The following MUC5AC variants were observed in gnomAD, a reference collection of about 807,000 sequenced individuals.
MUC5AC encodes the protein mucin 5AC, oligomeric mucus/gel-forming, also known as mucin-5AC.
MUC5AC carries 158 observed loss-of-function variants against 169.7 expected under a neutral mutation model. That is an observed-to-expected ratio of 0.93 (90% confidence interval 0.82 to 1.06). The LOEUF (loss-of-function observed/expected upper bound fraction) is 1.06. MUC5AC is among the 50% of genes least tolerant of loss of function. The pLI is 0.00. For synonymous variants in MUC5AC, 1,975 were observed against 1,237.0 expected, an observed-to-expected ratio of 1.60 and a Z score of -12.52; for missense variants, 4,359 against 3,089.9, an observed-to-expected ratio of 1.41 and a Z score of -9.74.
In MUC5AC at chr11:1,180,528, G is replaced by T. The variant is rs1025072459; in HGVS notation, c.3776+12G>T. On this transcript the variant is annotated intron_variant, in intron 28 of 48. Transcript: ENST00000621226. ...AACTGCCAGTCCTGGTGAGTCCTTTGGGGGGAGGAATATGGAGCCTGCAGC... is the reference window on the plus strand; with the variant it reads ...AACTGCCAGTCCTGGTGAGTCCTTTTGGGGGAGGAATATGGAGCCTGCAGC... 3 of 398,662 alleles carry T rather than the reference G, an allele frequency of 7.5e-6. No individual in the cohort carries two copies. The highest frequency in any genetic ancestry group is 1.3e-4 in the South Asian group (1 of 7,864). 24.7% of individuals were successfully genotyped at this position (398,662 alleles called of 1,614,324 possible).
At chr11:1,164,793 G>C (rs1860261416) in intron 9 of MUC5AC, among the ~76,000 whole-genome samples, 3 of 146,950 alleles carry the variant, frequency 2.0e-5, no homozygotes, top group South Asian at 2.1e-4. Flanking sequence ...TGATGCCCCT[G>C]TCCCGGGCCC....
chr11:1,200,838 G>A lies in MUC5AC; in HGVS notation c.*136G>A. 1 of 606,874 alleles carries A rather than the reference G, an allele frequency of 1.6e-6. No homozygotes were observed. The highest frequency in any genetic ancestry group is 2.9e-6 in the Non-Finnish European group (1 of 339,020). The allele number at this position is 606,874 out of a possible 1,614,324, so 37.6% of individuals were successfully genotyped here. On this transcript the variant is annotated 3_prime_UTR_variant, in exon 49 of 49. Transcript: ENST00000621226. ...ACACACTGTCCACGCCCGCTTTCTT[G>A]TGGAGGGTGTGGGCTATGGGTCACC...
At chr11:1,194,082 C>T in intron 33 of MUC5AC, 28 bp from the exon 34 acceptor site, 1 of 761,898 alleles carries the variant, frequency 1.3e-6, no homozygotes, top group South Asian at 1.3e-5. Context: ...CCCGAGCCAC[C>T]CGTAAGGCTG....
At position 1,174,683 on chromosome 11, in the gene MUC5AC, C is replaced by T; in HGVS notation, c.2092+61C>T. 7.3e-6 allele frequency: 5 copies of T among 686,634 alleles called. No individual in the cohort carries two copies. In the South Asian group the frequency reaches 9.3e-5, roughly 13 times the overall value. The allele number at this position is 686,634 out of a possible 1,614,324, so 42.5% of individuals were successfully genotyped here. A position where few individuals can be genotyped will look rare whatever the true frequency, so the allele number is the denominator to read the frequency against. On this transcript the variant is annotated intron_variant, in intron 17 of 48. Coordinates refer to ENST00000621226, the MANE Select transcript of MUC5AC (RefSeq NM_001304359.2). ...TGGGTGGCCGCGGGTCTTGGGGTGC[C>T]CCCAGTGTGCACAGGTTGCTCTAAG...
At chr11:1,175,979 C>A (rs1293280782) in intron 19 of MUC5AC, among the ~76,000 whole-genome samples, 172 bp from the exon 20 acceptor site, 3 of 151,294 alleles carry the variant, frequency 2.0e-5, no homozygotes, top group Non-Finnish European at 2.9e-5. Flanking sequence ...AACGCTCACA[C>A]CCACTCATGG....
Position 1,164,229 on chromosome 11 carries a change from A to C in MUC5AC, c.913A>C (p.Ser305Arg). The change falls in exon 8 of 49, where the codon AGC becomes CGC. Residue 305 changes from serine (S) to arginine (R), a missense_variant. Transcript: ENST00000621226. The part of the protein sequence containing the change: ...LCFCEDTDLL[S>R]CVCHTLAEYS... ...CTTCTGTGAAGACACCGACCTGCTC[A>C]GCTGCGTCTGCCACACCCTTGCCGA... The C allele has an allele frequency of 6.2e-7, 1 of 1,612,678 alleles. No individual in the cohort carries two copies. The highest frequency in any genetic ancestry group is 8.5e-7 in the Non-Finnish European group (1 of 1,179,876).
In MUC5AC at chr11:1,186,659, T is replaced by G. The variant is rs1860954357; in HGVS notation, c.8514T>G (p.Pro2838=). 1 of 739,532 alleles carries G rather than the reference T, an allele frequency of 1.4e-6. No individual in the cohort carries two copies. The highest frequency in any genetic ancestry group is 1.7e-5 in the African/African-American group (1 of 58,184). The allele number at this position is 739,532 out of a possible 1,614,324, so 45.8% of individuals were successfully genotyped here. ...TTSGPGTTSS[P]VPTTSTTSAP... ...CTGGTCCTGGAACTACTTCAAGCCC[T>G]GTTCCCACCACCAGCACAACCTCTG... Residue 2838 remains proline (P), a synonymous_variant, in exon 31 of 49, where the codon CCT becomes CCG. Transcript: ENST00000621226.
chr11:1,159,925 T>C (rs1197029204), intron 1 of MUC5AC, among the ~76,000 whole-genome samples: 6 of 130,000 alleles, frequency 4.6e-5, no homozygotes, highest in African/African-American at 1.7e-4. Context: ...TGCGACGGGC[T>C]GTGCGGGGCT....
intron 11 of MUC5AC, among the ~76,000 whole-genome samples, chr11:1,166,331 C>A (rs1860327367): frequency 6.9e-6 from 1 of 145,258 alleles, no homozygotes; most frequent in Non-Finnish European, 1.5e-5. Context: ...TGAGACCCTG[C>A]ACCCAACACA....
chr11:1,188,414 C>G lies in MUC5AC; in HGVS notation c.10269C>G (p.Ile3423Met), dbSNP rs1861005721. 1 of 631,596 alleles carries G rather than the reference C, an allele frequency of 1.6e-6. No homozygotes were observed. Among genetic ancestry groups the G allele is most frequent in the Non-Finnish European group, 2.9e-6 (1 of 340,560 alleles). The allele number at this position is 631,596 out of a possible 1,614,324, so 39.1% of individuals were successfully genotyped here. The change falls in exon 31 of 49, where the codon ATC becomes ATG. Residue 3423 changes from isoleucine to methionine, a missense_variant. By Grantham distance (10) the Ile-to-Met change is conservative. Transcript: ENST00000621226. Reference sequence around the variant, plus strand: ...CCTCGGCTCCTACAAGCAGCACAATCTCTGCTCGTACAACCAGCATAATCT... The same window carrying G: ...CCTCGGCTCCTACAAGCAGCACAATGTCTGCTCGTACAACCAGCATAATCT... The part of the protein sequence containing the change: ...STTSAPTSST[I>M]SARTTSIISA...
At chr11:1,176,746 G>C (rs1033294756) in intron 21 of MUC5AC, 81 bp downstream of exon 21, 24 of 398,434 alleles carry the variant, frequency 6.0e-5, no homozygotes, top group African/African-American at 4.3e-4. Flanking sequence ...CGAGCCCCCA[G>C]CACAGGGGTC....
intron 1 of MUC5AC, 78 bp from the exon 2 acceptor site, chr11:1,160,534 C>T: frequency 1.6e-6 from 2 of 1,273,950 alleles, no homozygotes; most frequent in Non-Finnish European, 2.2e-6. Flanking sequence ...CTCTGGTGTC[C>T]ATGCTGCATC....
At chr11:1,199,808 G>C in intron 47 of MUC5AC, 44 bp downstream of exon 47, 1 of 734,858 alleles carries the variant, frequency 1.4e-6, no homozygotes, top group Non-Finnish European at 2.5e-6. Context: ...CACCCTCAGA[G>C]GTCTAGGAGC....
chr11:1,189,508 T>G lies in MUC5AC; in HGVS notation c.11363T>G (p.Ile3788Arg). The part of the protein sequence containing the change: ...APTTSTTSAP[I>R]TSTISAPTTS... Reference sequence around the variant, plus strand: ...ACAACTAGCACTACCTCTGCTCCCATAACCAGCACAATCTCTGCCCCTACA... The same window carrying G: ...ACAACTAGCACTACCTCTGCTCCCAGAACCAGCACAATCTCTGCCCCTACA... Residue 3788 changes from isoleucine to arginine, a missense_variant, in exon 31 of 49, where the codon ATA (isoleucine) becomes AGA (arginine). Physicochemically the swap from Ile to Arg is moderately conservative, Grantham distance 97 (BLOSUM62 -3). Transcript: ENST00000621226. The G allele has an allele frequency of 1.2e-5, 6 of 506,246 alleles. No individual in the cohort carries two copies. The South Asian group carries it at 1.7e-4, about 14-fold the overall frequency. The allele number at this position is 506,246 out of a possible 1,614,324, so 31.4% of individuals were successfully genotyped here.
In MUC5AC at chr11:1,190,640, A is replaced by AACAACCAGCACAACCTCTGCTCCT. The variant is rs1861065804; in HGVS notation, c.12508_12509insCCTCTGCTCCTACAACCAGCACAA (p.Thr4162_Thr4169dup). On this transcript the variant is annotated inframe_insertion, in exon 31 of 49. Transcript: ENST00000621226. Reference sequence around the variant, plus strand: ...CTACAACCAGCACAACCTCTGCTCCAACAACCAGCACAAACTCTGCTCCTA... The same window carrying AACAACCAGCACAACCTCTGCTCCT: ...CTACAACCAGCACAACCTCTGCTCCAACAACCAGCACAACCTCTGCTCCTACAACCAGCACAAACTCTGCTCCTA... The AACAACCAGCACAACCTCTGCTCCT allele has an allele frequency of 1.6e-6, 1 of 642,480 alleles. No individual in the cohort carries two copies. Among genetic ancestry groups the AACAACCAGCACAACCTCTGCTCCT allele is most frequent in the African/African-American group, 2.0e-5 (1 of 50,004 alleles). 39.8% of individuals were successfully genotyped at this position (642,480 alleles called of 1,614,324 possible). A position where few individuals can be genotyped will look rare whatever the true frequency, so the allele number is the denominator to read the frequency against.
intron 2 of MUC5AC, among the ~76,000 whole-genome samples, chr11:1,161,211 G>C (rs28639518): frequency 2.0e-5 from 3 of 151,978 alleles, no homozygotes; most frequent in East Asian, 3.9e-4. Flanking sequence ...CTCAGCACCT[G>C]AGAGATTGTC....
In MUC5AC at chr11:1,188,846, C is replaced by T. The variant is rs1861016312; in HGVS notation, c.10701C>T (p.Leu3567=). The change falls in exon 31 of 49, where the codon CTC becomes CTT. Residue 3567 remains leucine (L), a synonymous_variant. Coordinates refer to ENST00000621226, the MANE Select transcript of MUC5AC (RefSeq NM_001304359.2). ...ICRRPEEITR[L]QCRAKSHPEV... ...GCCGACCTGAGGAGATCACCAGGCT[C>T]CAGTGCCGAGCCAAGAGCCACCCGG... 3.9e-6 allele frequency: 3 copies of T among 763,058 alleles called. No individual in the cohort carries two copies. In the East Asian group the frequency reaches 7.3e-5, roughly 19 times the overall value. The allele number at this position is 763,058 out of a possible 1,614,324, so 47.3% of individuals were successfully genotyped here.
rs746387031 is a variant in MUC5AC, at chr11:1,199,952, T to C, written c.16683T>C (p.Cys5561=). Residue 5561 remains cysteine, a synonymous_variant, in exon 48 of 49, where the codon TGT becomes TGC. Coordinates refer to ENST00000621226, the MANE Select transcript of MUC5AC (RefSeq NM_001304359.2). ...PVRLAYCRGN[C]GDSSSMYSLE... ...GCCTGGCTTACTGCCGGGGGAACTG[T>C]GGGGACAGCTCTTCCATGTACGTGC... The C allele has an allele frequency of 2.6e-6, 2 of 763,164 alleles. No individual in the cohort carries two copies. Among genetic ancestry groups the C allele is most frequent in the South Asian group, 2.7e-5 (2 of 74,182 alleles). 47.3% of individuals were successfully genotyped at this position (763,164 alleles called of 1,614,324 possible).
chr11:1,199,427 G>T lies in MUC5AC; in HGVS notation c.16452G>T (p.Lys5484Asn). The T allele has an allele frequency of 1.4e-6, 1 of 732,442 alleles. No homozygotes were observed. 45.4% of individuals were successfully genotyped at this position (732,442 alleles called of 1,614,324 possible). A position where few individuals can be genotyped will look rare whatever the true frequency, so the allele number is the denominator to read the frequency against. ...ACTGTGTGACCCACCAGTGTGAGAA[G>T]CACCAGGATGGGCTCGTGGTGGTCA... The part of the protein sequence containing the change: ...GNHCVTHQCE[K>N]HQDGLVVVTT... The change falls in exon 46 of 49, where the codon AAG becomes AAT. Residue 5484 changes from lysine to asparagine, a missense_variant. Physicochemically the swap from Lys to Asn is moderately conservative, Grantham distance 94. Transcript: ENST00000621226.
Sources: allele counts gnomAD v4.1 joint callset (sites outside exome capture counted in the v4.1 genomes callset), GRCh38; gene constraint gnomAD v4.1.1; transcripts MANE v1.5; gene names NCBI Gene and HGNC (gene_info 2026-07-23, HGNC 2026-07-21).